Variants in TAOK3 observed in about 807,000 individuals in gnomAD.
TAOK3 encodes the protein TAO kinase 3.
A neutral mutation model predicts 120.4 loss-of-function variants in TAOK3; 40 were observed. That is an observed-to-expected ratio of 0.33 (90% CI 0.26 to 0.43). TAOK3 has a LOEUF of 0.43. TAOK3 is among the 20% of genes least tolerant of loss of function. The pLI, the probability that TAOK3 is intolerant of heterozygous loss-of-function variation, is 1.00. For missense variants in TAOK3, 821 were observed against 1,112.1 expected (o/e 0.74, Z 3.72); for synonymous variants, 355 against 387.5 (o/e 0.92, Z 0.99).
In TAOK3 at chr12:118,200,167, T is replaced by C. The variant is rs548399871; in HGVS notation, c.988-910A>G. ...AATTAAAGGGGATCATTTCTATATA[T>C]GCAATCAAGAAATTTTATAGTTCAA... On this transcript the variant is annotated intron_variant, in intron 12 of 20. Transcript: ENST00000392533. The C allele has an allele frequency of 3.9e-5, 6 of 152,336 alleles. No homozygotes were observed. The East Asian group carries it at 7.7e-4, about 20-fold the overall frequency. The allele number at this position is 152,336 out of a possible 1,614,324, so 9.4% of individuals were successfully genotyped here.
At position 118,152,285 on chromosome 12, in the gene TAOK3, C is replaced by T. The variant is rs1019601490; in HGVS notation, c.2477G>A (p.Arg826His). The change falls in exon 20 of 21, where the codon CGT (arginine) becomes CAT (histidine). Residue 826 changes from arginine (R) to histidine (H), a missense_variant. Around this residue, in one of 2 missense-constraint regions of TAOK3, gnomAD observed 354 missense variants for 572.1 expected, o/e 0.62. Transcript: ENST00000392533. The stretch of plus-strand genomic sequence containing the variant: ...TCTCTGCTCTAGCTTCTGGAGCTCA[C>T]GTTCATGTTGTGCCTCTGTTTGCAT... ...IKMQTEAQHE[R>H]ELQKLEQRVS... 9 of 1,614,180 alleles carry T rather than the reference C, an allele frequency of 5.6e-6. No homozygotes were observed. Among genetic ancestry groups the T allele is most frequent in the Admixed American group, 1.7e-5 (1 of 60,024 alleles).
intron 16 of TAOK3, among the ~76,000 whole-genome samples, chr12:118,175,162 G>A (rs1280622682): frequency 6.6e-6 from 1 of 152,168 alleles, no homozygotes; most frequent in African/African-American, 2.4e-5. Flanking sequence ...TACCCATTCA[G>A]CCAGTGTAAA....
rs763473530 is a variant in TAOK3 at position 118,234,212 on chromosome 12, A to ATTTTTTTTT, written c.552-456_552-448dup. On this transcript the variant is annotated intron_variant, in intron 8 of 20. Transcript: ENST00000392533. ...TTAAAGTAATTAAATAAAGCAGGAA[A>ATTTTTTTTT]TTTTTTTTTTTTTTTTTTTTTTTTT... Among the ~76,000 whole-genome samples, 59 of 58,342 alleles carry ATTTTTTTTT rather than the reference A, an allele frequency of 1.0e-3. 11 individuals carry two copies. Among genetic ancestry groups the ATTTTTTTTT allele is most frequent in the South Asian group, 2.8e-3 (3 of 1,074 alleles). The allele number at this position is 58,342 out of a possible 152,430, so 38.3% of individuals were successfully genotyped here. A position where few individuals can be genotyped will look rare whatever the true frequency, so the allele number is the denominator to read the frequency against.
chr12:118,317,360 G>A (rs1333688456), intron 1 of TAOK3, among the ~76,000 whole-genome samples: 4 of 147,964 alleles, frequency 2.7e-5, no homozygotes, highest in East Asian at 2.1e-4. Flanking sequence ...GTGCAGTGGC[G>A]CGATCTTGGC....
intron 1 of TAOK3, among the ~76,000 whole-genome samples, chr12:118,330,915 T>G (rs1187948670): frequency 2.6e-5 from 4 of 152,196 alleles, no homozygotes; most frequent in African/African-American, 4.8e-5. Flanking sequence ...ATGTGGGACA[T>G]CTGTTTCCTT....
At chr12:118,275,171 C>T (rs548487313) in intron 1 of TAOK3, among the ~76,000 whole-genome samples, 2 of 152,136 alleles carry the variant, frequency 1.3e-5, no homozygotes, top group African/African-American at 2.4e-5. Context: ...TATTATATTA[C>T]TCTGTCTCCC....
intron 11 of TAOK3, among the ~76,000 whole-genome samples, chr12:118,204,779 C>T (rs1343474453): frequency 2.0e-5 from 3 of 152,260 alleles, no homozygotes; most frequent in East Asian, 3.9e-4. Flanking sequence ...CCTGTAATCC[C>T]GGAACTTTGG....
At chr12:118,191,449 T>C (rs1033078434) in intron 13 of TAOK3, among the ~76,000 whole-genome samples, 2 of 152,198 alleles carry the variant, frequency 1.3e-5, no homozygotes, top group African/African-American at 2.4e-5. Flanking sequence ...ACTATTTTAA[T>C]TAAAAATTAA....
intron 20 of TAOK3, 107 bp from the exon 21 acceptor site, chr12:118,151,265 C>T: frequency 1.8e-6 from 2 of 1,089,188 alleles, no homozygotes; most frequent in South Asian, 3.0e-5. Context: ...CACACATAGG[C>T]ACACACATGA....
At chr12:118,327,845 C>T (rs1392805186) in intron 1 of TAOK3, among the ~76,000 whole-genome samples, 1 of 152,102 alleles carries the variant, frequency 6.6e-6, no homozygotes, top group Non-Finnish European at 1.5e-5. Flanking sequence ...CCCATTTTGA[C>T]TGAAAGAGTG....
At chr12:118,296,041 A>G (rs2042668218) in intron 1 of TAOK3, among the ~76,000 whole-genome samples, 1 of 152,246 alleles carries the variant, frequency 6.6e-6, no homozygotes, top group Non-Finnish European at 1.5e-5. Context: ...ACCTGTGTGT[A>G]TGTGTATGCA....
At chr12:118,218,352 C>T (rs2039043832) in intron 9 of TAOK3, among the ~76,000 whole-genome samples, 1 of 152,130 alleles carries the variant, frequency 6.6e-6, no homozygotes, top group Non-Finnish European at 1.5e-5. Flanking sequence ...CAAGTACAGT[C>T]ATCCCTAGGT....
At chr12:118,224,583 T>A (rs1262682554) in intron 9 of TAOK3, among the ~76,000 whole-genome samples, 3 of 152,340 alleles carry the variant, frequency 2.0e-5, no homozygotes, top group African/African-American at 7.2e-5. Context: ...TAACTTCTCC[T>A]GAATGTAATC....
chr12:118,228,600 T>C (rs1423131566), intron 9 of TAOK3, among the ~76,000 whole-genome samples: 1 of 152,218 alleles, frequency 6.6e-6, no homozygotes, highest in East Asian at 1.9e-4. Context: ...TACATGTAGA[T>C]CCAGTTCATT....
At chr12:118,247,483 A>G (rs1035887991) in intron 3 of TAOK3, among the ~76,000 whole-genome samples, 5 of 152,028 alleles carry the variant, frequency 3.3e-5, no homozygotes, top group Non-Finnish European at 7.4e-5. Flanking sequence ...ATACATATAT[A>G]TATATACACA....
chr12:118,179,643 G>GT (rs566111629), intron 15 of TAOK3, among the ~76,000 whole-genome samples: 1,846 of 123,584 alleles, frequency 0.015, 37 homozygotes, highest in South Asian at 0.087. Context: ...TTACCCTTCT[G>GT]TTTTTTTTTT....
intron 1 of TAOK3, among the ~76,000 whole-genome samples, chr12:118,368,150 G>A (rs897421690): frequency 2.0e-5 from 3 of 152,310 alleles, no homozygotes; most frequent in African/African-American, 7.2e-5. Context: ...TGTGGCTGCT[G>A]TAAGCCTTCA....
intron 9 of TAOK3, among the ~76,000 whole-genome samples, chr12:118,216,770 T>A (rs535353182): frequency 1.3e-5 from 2 of 151,554 alleles, no homozygotes; most frequent in Admixed American, 6.6e-5. Flanking sequence ...CTACTAAAAA[T>A]ACAAAAAAAT....
chr12:118,225,814 GATTA>G lies in TAOK3; in HGVS notation c.643+7856_643+7859del, dbSNP rs1318985703. Among the ~76,000 whole-genome samples the G allele has an allele frequency of 2.6e-5, 4 of 152,252 alleles. No individual in the cohort carries two copies. The East Asian group carries it at 7.7e-4, about 29-fold the overall frequency. Reference sequence around the variant, plus strand: ...TGATGTTTTGATGTTCATATACATTGATTAATCACAATCTGTCCATCGCCTCATA... The same window carrying G: ...TGATGTTTTGATGTTCATATACATTGATCACAATCTGTCCATCGCCTCATA... On this transcript the variant is annotated intron_variant, in intron 9 of 20. Transcript: ENST00000392533.
Sources: allele counts gnomAD v4.1 joint callset (sites outside exome capture counted in the v4.1 genomes callset), GRCh38; gene constraint gnomAD v4.1.1; regional missense constraint gnomAD v4.1.1; transcripts MANE v1.5; gene names NCBI Gene and HGNC (gene_info 2026-07-23, HGNC 2026-07-21).